Variants in RBMS3 observed in about 807,000 individuals in gnomAD.
The protein encoded by RBMS3 is RNA-binding motif, single-stranded-interacting protein 3.
RBMS3 carries 27 observed loss-of-function variants against 66.8 expected under a neutral mutation model. The ratio of observed to expected loss-of-function variants is 0.40; its 90% CI spans 0.30 to 0.56. The LOEUF is 0.56. RBMS3 is among the 20% of genes least tolerant of loss of function. The pLI, the probability that RBMS3 is intolerant of heterozygous loss-of-function variation, is 0.40. For synonymous variants in RBMS3, 188 were observed against 183.0 expected (o/e 1.03, Z -0.22); for missense variants, 513 against 549.5 (o/e 0.93, Z 0.66).
chr3:29,555,337 A>G (rs1042300077), intron 3 of RBMS3, among the ~76,000 whole-genome samples: 1 of 152,198 alleles, frequency 6.6e-6, no homozygotes, highest in African/African-American at 2.4e-5. Context: ...GAGATTATAC[A>G]GACCCTCTAA....
At chr3:29,360,817 C>G (rs1272969410) in intron 1 of RBMS3, among the ~76,000 whole-genome samples, 1 of 151,962 alleles carries the variant, frequency 6.6e-6, no homozygotes, top group Admixed American at 6.6e-5. Flanking sequence ...TTCTTTGTCT[C>G]TTTTGATCTT....
chr3:29,636,093 A>C (rs1416277027), intron 4 of RBMS3, among the ~76,000 whole-genome samples: 2 of 151,142 alleles, frequency 1.3e-5, no homozygotes, highest in African/African-American at 2.4e-5. Context: ...GGGAGAAAGA[A>C]TGTACACTGT....
chr3:29,985,540 C>T (rs1042884454), intron 12 of RBMS3, among the ~76,000 whole-genome samples: 1 of 152,174 alleles, frequency 6.6e-6, no homozygotes, highest in African/African-American at 2.4e-5. Flanking sequence ...GGCATAGTAT[C>T]TGGGCCAGAA....
rs376398023 is a variant in RBMS3, at chr3:29,325,501, C to CAT, written c.75+43758_75+43759dup. On this transcript the variant is annotated intron_variant, in intron 1 of 14. Coordinates refer to ENST00000383767, the MANE Select transcript of RBMS3 (RefSeq NM_001003793.3). The stretch of plus-strand genomic sequence containing the variant: ...TGAAAGAAAACTATCCCATTAAATG[C>CAT]ATATATATATATATGTGTGTGTGTG... Among the ~76,000 whole-genome samples, 366 of 149,086 alleles carry CAT rather than the reference C, an allele frequency of 2.5e-3. 1 individual carries two copies. Among genetic ancestry groups the CAT allele is most frequent in the African/African-American group, 6.5e-3 (264 of 40,546 alleles).
At chr3:29,309,610 G>C (rs548521619) in intron 1 of RBMS3, among the ~76,000 whole-genome samples, 2 of 149,950 alleles carry the variant, frequency 1.3e-5, no homozygotes, top group African/African-American at 2.5e-5. Context: ...ATGCAGTGGT[G>C]GGGGGGGCGG....
At chr3:29,660,979 C>T (rs1384233315) in intron 4 of RBMS3, among the ~76,000 whole-genome samples, 1 of 152,166 alleles carries the variant, frequency 6.6e-6, no homozygotes, top group Non-Finnish European at 1.5e-5. Flanking sequence ...AATCAGTGCA[C>T]GGATACCCAG....
At chr3:29,515,672 T>C (rs1005109925) in intron 3 of RBMS3, among the ~76,000 whole-genome samples, 5 of 152,166 alleles carry the variant, frequency 3.3e-5, no homozygotes, top group Non-Finnish European at 7.3e-5. Flanking sequence ...TCCAGAGCAG[T>C]AGGGTGACTC....
intron 4 of RBMS3, among the ~76,000 whole-genome samples, chr3:29,648,075 C>T (rs938599970): frequency 2.4e-4 from 37 of 151,888 alleles, no homozygotes; most frequent in African/African-American, 8.7e-4. Context: ...CAATTTGTAA[C>T]CTGAATATTT....
chr3:29,557,715 C>T (rs76518219), intron 3 of RBMS3, among the ~76,000 whole-genome samples: 24 of 152,262 alleles, frequency 1.6e-4, no homozygotes, highest in African/African-American at 5.5e-4. Flanking sequence ...AGGAAACCTA[C>T]TAACCCTGTC....
At chr3:29,887,910 C>T (rs908029383) in intron 8 of RBMS3, among the ~76,000 whole-genome samples, 2 of 151,706 alleles carry the variant, frequency 1.3e-5, no homozygotes, top group Non-Finnish European at 2.9e-5. Flanking sequence ...GAAAATAAAT[C>T]GAGGTTTCAA....
At chr3:29,340,252 A>C (rs2036207560) in intron 1 of RBMS3, among the ~76,000 whole-genome samples, 2 of 152,168 alleles carry the variant, frequency 1.3e-5, no homozygotes, top group African/African-American at 4.8e-5. Flanking sequence ...GTAGCAAAGA[A>C]TTAAACTAAG....
chr3:29,805,941 C>T lies in RBMS3; in HGVS notation c.637+42952C>T, dbSNP rs182184032. Among the ~76,000 whole-genome samples, 1,016 of 152,094 alleles carry T rather than the reference C, an allele frequency of 6.7e-3. 10 individuals are homozygous for T. Among genetic ancestry groups the T allele is most frequent in the African/African-American group, 0.022 (919 of 41,544 alleles). On this transcript the variant is annotated intron_variant, in intron 6 of 14. Coordinates refer to ENST00000383767, the MANE Select transcript of RBMS3 (RefSeq NM_001003793.3). ...TCACTGACTAACCTGGAACAACTTTCAGTTTTGCAAGCTGCATTCCTGGTA... is the reference window on the plus strand; with the variant it reads ...TCACTGACTAACCTGGAACAACTTTTAGTTTTGCAAGCTGCATTCCTGGTA...
chr3:29,565,431 C>T (rs1342779137), intron 3 of RBMS3, among the ~76,000 whole-genome samples: 1 of 152,300 alleles, frequency 6.6e-6, no homozygotes, highest in East Asian at 1.9e-4. Flanking sequence ...TTCTGGCATT[C>T]TCTAAACAGG....
chr3:29,393,082 C>T (rs1244066327), intron 1 of RBMS3, among the ~76,000 whole-genome samples: 3 of 152,118 alleles, frequency 2.0e-5, no homozygotes, highest in Admixed American at 2.0e-4. Context: ...GTGAAAACTA[C>T]ACTGCAAAGT....
intron 4 of RBMS3, among the ~76,000 whole-genome samples, chr3:29,690,344 G>A (rs1002836348): frequency 6.6e-6 from 1 of 152,112 alleles, no homozygotes; most frequent in Non-Finnish European, 1.5e-5. Flanking sequence ...CAGGTACTTG[G>A]GAAGTTGAAG....
intron 4 of RBMS3, among the ~76,000 whole-genome samples, chr3:29,696,176 G>C (rs1381213948): frequency 6.6e-6 from 1 of 152,144 alleles, no homozygotes. Flanking sequence ...AGCAATCCTG[G>C]CTTCCAAGCC....
chr3:29,416,450 A>G (rs773653867), intron 1 of RBMS3, among the ~76,000 whole-genome samples: 4 of 152,300 alleles, frequency 2.6e-5, no homozygotes, highest in Non-Finnish European at 5.9e-5. Context: ...ATGTGTTTCC[A>G]TGGTTACATG....
intron 12 of RBMS3, among the ~76,000 whole-genome samples, chr3:29,961,726 AACTC>A (rs1448860520): frequency 2.6e-5 from 4 of 151,756 alleles, no homozygotes; most frequent in African/African-American, 9.7e-5. Context: ...ATCTCATGAG[AACTC>A]ACTCACTATC....
In RBMS3 at chr3:29,445,058, C is replaced by T. The variant is rs116004472; in HGVS notation, c.248+10143C>T. On this transcript the variant is annotated intron_variant, in intron 2 of 14. Coordinates refer to ENST00000383767, the MANE Select transcript of RBMS3 (RefSeq NM_001003793.3). The stretch of plus-strand genomic sequence containing the variant: ...GATTTATTCAATTCATTTTTTTACC[C>T]CTAGTACCTAGTACACTTCCAGATT... Among the ~76,000 whole-genome samples the T allele has an allele frequency of 7.9e-3, 1,196 of 151,618 alleles. 14 individuals are homozygous for T. Among genetic ancestry groups the T allele is most frequent in the African/African-American group, 0.028 (1,144 of 41,418 alleles).
Sources: allele counts gnomAD v4.1 joint callset (sites outside exome capture counted in the v4.1 genomes callset), GRCh38; gene constraint gnomAD v4.1.1; transcripts MANE v1.5; gene names NCBI Gene and HGNC (gene_info 2026-07-23, HGNC 2026-07-21).